FBXW8: variants seen among roughly 807,000 people sequenced by gnomAD.
The protein encoded by FBXW8 is F-box/WD repeat-containing protein 8.
Under a neutral mutation model 65.3 loss-of-function variants are expected in FBXW8, and 57 were observed. The observed-to-expected ratio is 0.87, with a 90% CI of 0.71 to 1.09. The LOEUF (loss-of-function observed/expected upper bound fraction) is 1.09, where lower values mean the gene tolerates loss of function less well. Among genes scored for constraint, FBXW8 ranks in the 50% least tolerant of loss-of-function variants. FBXW8 has a pLI of 0.00. For synonymous variants in FBXW8, 308 were observed against 330.2 expected (o/e 0.93, Z 0.73); for missense variants, 777 against 814.8 (o/e 0.95, Z 0.57).
chr12:117,028,122 G>A lies in FBXW8; in HGVS notation c.1747G>A (p.Ala583Thr). 6.2e-7 allele frequency: 1 copy of A among 1,614,168 alleles called. No individual in the cohort carries two copies. Among genetic ancestry groups the A allele is most frequent in the Non-Finnish European group, 8.5e-7 (1 of 1,180,026 alleles). The change falls in exon 11 of 11, where the codon GCC becomes ACC. Residue 583 changes from alanine to threonine, a missense_variant. Transcript: ENST00000652555. This position sits in a 1 kb window ranked among gnomAD's most constrained non-coding sequence, Gnocchi z 4.1. ...PVCRSSCDAM[A>T]THYYDLALAF... ...CTGCCGTTCATCCTGTGACGCCATG[G>A]CCACTCACTACTACGACCTCGCACT...
intron 2 of FBXW8, among the ~76,000 whole-genome samples, chr12:116,943,205 T>C (rs986374915): frequency 5.3e-5 from 8 of 152,354 alleles, no homozygotes; most frequent in Admixed American, 6.5e-5. Flanking sequence ...TTCTGGACTT[T>C]CTCAGGGTTA....
At chr12:116,957,512 T>C (rs187349483) in intron 4 of FBXW8, among the ~76,000 whole-genome samples, 21 of 152,314 alleles carry the variant, frequency 1.4e-4, no homozygotes, top group African/African-American at 4.6e-4. Flanking sequence ...CTTAGTTTTA[T>C]ATGTATGTGT....
intron 4 of FBXW8, among the ~76,000 whole-genome samples, chr12:116,956,851 C>T (rs1883676993): frequency 6.6e-6 from 1 of 151,518 alleles, no homozygotes; most frequent in Non-Finnish European, 1.5e-5. Flanking sequence ...GCCTGTAATC[C>T]CAACTACTCG....
At chr12:116,942,302 C>CT (rs543764887) in intron 2 of FBXW8, among the ~76,000 whole-genome samples, 4 of 150,940 alleles carry the variant, frequency 2.7e-5, no homozygotes, top group Non-Finnish European at 4.4e-5. Context: ...ATTACAGACT[C>CT]TTTTTTTTCC....
intron 1 of FBXW8, among the ~76,000 whole-genome samples, chr12:116,922,979 A>G (rs1231872509): frequency 1.3e-5 from 2 of 152,102 alleles, no homozygotes; most frequent in Non-Finnish European, 2.9e-5. Flanking sequence ...CTGAGAGGCC[A>G]AGGCAGGTGG....
chr12:117,002,226 C>T (rs1953541181), intron 7 of FBXW8, among the ~76,000 whole-genome samples: 1 of 152,232 alleles, frequency 6.6e-6, no homozygotes, highest in Non-Finnish European at 1.5e-5. Context: ...TGCATTGGCA[C>T]GTGGTGGTGG....
intron 7 of FBXW8, among the ~76,000 whole-genome samples, chr12:117,008,335 ATT>A (rs1398800171): frequency 6.6e-6 from 1 of 152,168 alleles, no homozygotes; most frequent in Non-Finnish European, 1.5e-5. Flanking sequence ...CCAGGTGCCG[ATT>A]TTATATAATT....
chr12:116,950,738 T>G (rs1883219228), intron 4 of FBXW8: 1 of 152,232 alleles, frequency 6.6e-6, no homozygotes, highest in South Asian at 2.1e-4. Context: ...TTGGGAGTGC[T>G]GCAGAACTAG....
At chr12:116,915,976 AGTTT>A (rs991464021) in intron 1 of FBXW8, among the ~76,000 whole-genome samples, 9 of 151,900 alleles carry the variant, frequency 5.9e-5, no homozygotes, top group Non-Finnish European at 7.4e-5. Flanking sequence ...CACCACATTT[AGTTT>A]GTTTGTTTTT....
rs559257155 is a variant in FBXW8, at chr12:117,027,314, G to A, written c.1542-80G>A. The A allele has an allele frequency of 3.8e-6, 4 of 1,051,564 alleles. No homozygotes were observed. In the Admixed American group the frequency reaches 7.1e-5, roughly 19 times the overall value. 65.1% of individuals were successfully genotyped at this position (1,051,564 alleles called of 1,614,324 possible). ...TTTATGGGTTCTAGAATCCCCTGCA[G>A]CTCTGAACTCCCAGGCCTGCGGCAG... On this transcript the variant is annotated intron_variant, in intron 9 of 10. Coordinates refer to ENST00000652555, the MANE Select transcript of FBXW8 (RefSeq NM_153348.3).
At chr12:116,926,377 C>T (rs1470424140) in intron 1 of FBXW8, among the ~76,000 whole-genome samples, 1 of 151,994 alleles carries the variant, frequency 6.6e-6, no homozygotes, top group Non-Finnish European at 1.5e-5. Context: ...CAAAATAATC[C>T]AAAAAAGAAA....
rs3832800 is a variant in FBXW8, at chr12:117,018,741, GTTTA to G, written c.1368-5402_1368-5399del. On this transcript the variant is annotated intron_variant, in intron 8 of 10. Transcript: ENST00000652555. ...AAATACACTGAGGCCGCATCTTTTG[GTTTA>G]TTTGTTTATTTTGTTTGGAGCCATC... Among the ~76,000 whole-genome samples, 65 of 152,216 alleles carry G rather than the reference GTTTA, an allele frequency of 4.3e-4. No individual in the cohort carries two copies. In the East Asian group the frequency reaches 0.012, roughly 29 times the overall value.
intron 4 of FBXW8, among the ~76,000 whole-genome samples, chr12:116,953,074 A>G (rs183894926): frequency 7.2e-4 from 109 of 152,302 alleles, no homozygotes; most frequent in African/African-American, 2.6e-3. Flanking sequence ...GGTATGTAAT[A>G]TTTTGTTAAA....
intron 7 of FBXW8, among the ~76,000 whole-genome samples, chr12:116,989,684 G>A (rs542019230): frequency 6.6e-6 from 1 of 152,308 alleles, no homozygotes; most frequent in South Asian, 2.1e-4. Context: ...GTGGGACCAA[G>A]GGGGAGAGAG....
At chr12:116,983,257 T>C (rs563797111) in intron 5 of FBXW8, among the ~76,000 whole-genome samples, 3 of 152,278 alleles carry the variant, frequency 2.0e-5, no homozygotes, top group Non-Finnish European at 4.4e-5. Flanking sequence ...CCATCTGATA[T>C]GTAGAGCCAC....
At chr12:116,996,264 C>T (rs972078790) in intron 7 of FBXW8, among the ~76,000 whole-genome samples, 1 of 152,204 alleles carries the variant, frequency 6.6e-6, no homozygotes, top group Non-Finnish European at 1.5e-5. Context: ...GCTTGCTTGG[C>T]GCTGCTGCCT....
At chr12:116,976,030 A>G (rs1305932823) in intron 5 of FBXW8, among the ~76,000 whole-genome samples, 1 of 152,222 alleles carries the variant, frequency 6.6e-6, no homozygotes, top group Non-Finnish European at 1.5e-5. Context: ...GTAATAGGTT[A>G]ACATTTGGGA....
intron 5 of FBXW8, among the ~76,000 whole-genome samples, chr12:116,975,394 C>G (rs2096597469): frequency 6.6e-6 from 1 of 152,260 alleles, no homozygotes; most frequent in South Asian, 2.1e-4. Context: ...AGTGCCTTCT[C>G]TCACATGGTG....
At chr12:116,974,133 G>A (rs1271662537) in intron 5 of FBXW8, among the ~76,000 whole-genome samples, 1 of 152,218 alleles carries the variant, frequency 6.6e-6, no homozygotes, top group Non-Finnish European at 1.5e-5. Flanking sequence ...AGGCCCCAGT[G>A]AGGGCTCAGG....
Sources: gnomAD v4.1 joint callset for allele counts (sites outside exome capture counted in the v4.1 genomes callset) on GRCh38, gnomAD v4.1.1 for gene constraint, Gnocchi (gnomAD v3.1) non-coding constraint, MANE v1.5 for transcripts, NCBI Gene and HGNC (gene_info 2026-07-23, HGNC 2026-07-21) for gene names.